The following IFT70A variants were observed in gnomAD, a reference collection of about 807,000 sequenced individuals.
The protein encoded by IFT70A is intraflagellar transport 70A.
chr2:177,616,095 C>T, the IFT70A span: 2 of 152,112 alleles, frequency 1.3e-5, no homozygotes, highest in African/African-American at 2.4e-5. Context: ...AACCTCATAA[C>T]CTGAAAAGAA....
chr2:177,613,343 A>G, the IFT70A span: 3 of 152,226 alleles, frequency 2.0e-5, no homozygotes, highest in Non-Finnish European at 2.9e-5. Context: ...ATTTTTCAGC[A>G]AAGTGTTGCT....
the IFT70A span, chr2:177,617,491 C>T: frequency 2.0e-5 from 33 of 1,614,184 alleles, 1 homozygote; most frequent in South Asian, 3.3e-4. Flanking sequence ...TTCATCATCT[C>T]TGTTGTGTCT....
chr2:177,618,331 T>C, the IFT70A span: 2 of 1,613,952 alleles, frequency 1.2e-6, no homozygotes, highest in East Asian at 2.2e-5. Context: ...GCCCTCGCTA[T>C]ACTTGATGGC....
At chr2:177,616,599 A>G in the IFT70A span, 1 of 1,085,288 alleles carries the variant, frequency 9.2e-7, no homozygotes, top group Non-Finnish European at 1.3e-6. Context: ...CAAAGTGGAT[A>G]AGATTCAAAA....
At chr2:177,618,584 G>T in the IFT70A span, 1 of 1,602,082 alleles carries the variant, frequency 6.2e-7, no homozygotes, top group Non-Finnish European at 8.5e-7. Context: ...CTGGGGCTCC[G>T]CTGCAGTTCT....
At chr2:177,617,459 C>A in the IFT70A span, 12 of 1,613,462 alleles carry the variant, frequency 7.4e-6, no homozygotes, top group Non-Finnish European at 1.0e-5. Flanking sequence ...TCATCATATT[C>A]ATTCACTGCC....
chr2:177,618,226 T>C, the IFT70A span: 20 of 1,614,122 alleles, frequency 1.2e-5, no homozygotes, highest in African/African-American at 8.0e-5. Context: ...ACAACCCAGG[T>C]TGACCTGGCC....
the IFT70A span, chr2:177,618,316 A>T: frequency 5.6e-6 from 9 of 1,614,046 alleles, no homozygotes; most frequent in Non-Finnish European, 7.6e-6. Context: ...GGACCCTGGC[A>T]GATCGCCCTC....
At chr2:177,616,297 G>A in the IFT70A span, 2 of 155,944 alleles carry the variant, frequency 1.3e-5, no homozygotes, top group Non-Finnish European at 2.8e-5. Context: ...ATTGAGAAGT[G>A]GTCCAGCCGT....
chr2:177,617,114 G>T, the IFT70A span: 17 of 1,610,214 alleles, frequency 1.1e-5, no homozygotes, highest in African/African-American at 2.3e-4. Flanking sequence ...TAAGAGAGCT[G>T]CTCTTCCTCC....
chr2:177,618,678 C>G, the IFT70A span: 1 of 1,591,742 alleles, frequency 6.3e-7, no homozygotes, highest in Non-Finnish European at 8.6e-7. Flanking sequence ...CGTCGGGGAT[C>G]TGCGCGCCGC....
the IFT70A span, chr2:177,617,551 C>G: frequency 6.2e-7 from 1 of 1,614,198 alleles, no homozygotes; most frequent in South Asian, 1.1e-5. Flanking sequence ...AGTCAGCATC[C>G]CTGCTAGCCC....
At chr2:177,617,534 G>C in the IFT70A span, 2 of 1,614,218 alleles carry the variant, frequency 1.2e-6, no homozygotes, top group African/African-American at 2.7e-5. Context: ...AGTCTCCGAA[G>C]CTGCTCAGTC....
chr2:177,618,483 C>G, the IFT70A span: 1,385 of 1,586,072 alleles, frequency 8.7e-4, 9 homozygotes, highest in African/African-American at 0.016. Flanking sequence ...CCGGGTGCAG[C>G]TGGCCCAGCT....
the IFT70A span, chr2:177,618,600 C>G: frequency 6.2e-7 from 1 of 1,606,178 alleles, no homozygotes; most frequent in Non-Finnish European, 8.5e-7. Flanking sequence ...GTTCTCGGCC[C>G]AGCAGCTGCA....
the IFT70A span, chr2:177,618,709 A>G: frequency 1.3e-6 from 2 of 1,552,368 alleles, no homozygotes; most frequent in Admixed American, 1.9e-5. Context: ...CATAACCACC[A>G]CGGCTGTTAT....
At chr2:177,618,283 A>G in the IFT70A span, 10 of 1,614,020 alleles carry the variant, frequency 6.2e-6, no homozygotes, top group Admixed American at 3.3e-5. Flanking sequence ...TTCCCCACTC[A>G]GCAGCTGCTC....
At chr2:177,617,511 T>C in the IFT70A span, 13 of 1,614,148 alleles carry the variant, frequency 8.1e-6, no homozygotes, top group African/African-American at 1.7e-4. Context: ...TTGCTTCCTG[T>C]ACTTGCTTGG....
chr2:177,615,370 T>G, the IFT70A span: 2 of 152,154 alleles, frequency 1.3e-5, no homozygotes, highest in African/African-American at 4.8e-5. Flanking sequence ...CAAACATTAG[T>G]ACAAAAACTG....
Sources: gnomAD v4.1 joint callset for allele counts on GRCh38, gnomAD v4.1.1 for gene constraint, MANE v1.5 for transcripts, NCBI Gene and HGNC (gene_info 2026-07-23, HGNC 2026-07-21) for gene names.